Variants in C10orf105 observed in about 807,000 individuals in gnomAD.
C10orf105 encodes the protein chromosome 10 open reading frame 105.
Under a neutral mutation model 0.6 loss-of-function variants are expected in C10orf105, and 2 were observed. The observed-to-expected ratio is 3.18, with a 90% CI of 1.30 to 10.01. The LOEUF is 10.01. Ranked by LOEUF, C10orf105 falls within the 30% of genes most tolerant of loss-of-function variation. C10orf105 has a pLI of 0.04. For missense variants in C10orf105, 209 were observed against 191.4 expected (o/e 1.09, Z -0.54); for synonymous variants, 95 against 82.4 (o/e 1.15, Z -0.83).
Position 71,712,796 on chromosome 10 carries a change from G to A in C10orf105, c.*3140C>T, listed in dbSNP as rs562052236. ...CAGCGTCCCTGAGGACATCCCTGAA[G>A]GCCACAGCATCTTGCAGGCAGGTGG... On this transcript the variant is annotated 3_prime_UTR_variant, in exon 2 of 2. Transcript: ENST00000441508. The A allele has an allele frequency of 1.5e-4, 236 of 1,612,548 alleles. 1 individual carries two copies. In the East Asian group the frequency reaches 5.1e-3, roughly 35 times the overall value.
chr10:71,719,643 AGCCGTCCG>A lies in C10orf105; in HGVS notation c.-30_-23del, dbSNP rs1437945516. 6.6e-6 allele frequency: 1 copy of A among 152,670 alleles called. No homozygotes were observed. The highest frequency in any genetic ancestry group is 1.5e-5 in the Non-Finnish European group (1 of 68,452). 9.5% of individuals were successfully genotyped at this position (152,670 alleles called of 1,614,324 possible). On this transcript the variant is annotated 5_prime_UTR_variant, in exon 1 of 2. Transcript: ENST00000441508. ...AGCACTGACCTCAGAGCCAGACCCC[AGCCGTCCG>A]GAGCTCCGTGGAGAGGTCTTCTCAG...
chr10:71,713,479 G>T lies in C10orf105; in HGVS notation c.*2457C>A. ...GGCCTGCCCACTGGGGCAGGCTCCC[G>T]GGCTTGGGAGGGACAGAAGCGTGGG... On this transcript the variant is annotated 3_prime_UTR_variant, in exon 2 of 2. Coordinates refer to ENST00000441508, the MANE Select transcript of C10orf105 (RefSeq NM_001164375.3). The T allele has an allele frequency of 1.7e-6, 1 of 577,386 alleles. No individual in the cohort carries two copies. The highest frequency in any genetic ancestry group is 3.1e-6 in the Non-Finnish European group (1 of 324,136). The allele number at this position is 577,386 out of a possible 1,614,324, so 35.8% of individuals were successfully genotyped here. A position where few individuals can be genotyped will look rare whatever the true frequency, so the allele number is the denominator to read the frequency against.
At chr10:71,736,572 C>G (rs1839572177) in intron 1 of C10orf105, among the ~76,000 whole-genome samples, 1 of 152,110 alleles carries the variant, frequency 6.6e-6, no homozygotes, top group African/African-American at 2.4e-5. Context: ...ACACAGACAC[C>G]CATCTCATTC....
rs1866193839 is a variant in C10orf105 at position 71,715,858 on chromosome 10, C to T, written c.*78G>A. On this transcript the variant is annotated 3_prime_UTR_variant, in exon 2 of 2. Coordinates refer to ENST00000441508, the MANE Select transcript of C10orf105 (RefSeq NM_001164375.3). The stretch of plus-strand genomic sequence containing the variant: ...GCTTGGGCCACTGTCTTCCTGCAGC[C>T]TGCAGCACCGGTCTCTGAAGCAGGA... 1.2e-5 allele frequency: 16 copies of T among 1,373,412 alleles called. 1 individual carries two copies. In the South Asian group the frequency reaches 2.5e-4, roughly 21 times the overall value. The allele number at this position is 1,373,412 out of a possible 1,614,324, so 85.1% of individuals were successfully genotyped here.
At chr10:71,721,632 C>G (rs1866560888), upstream of C10orf105, among the ~76,000 whole-genome samples, 1 of 152,210 alleles carries the variant, frequency 6.6e-6, no homozygotes, top group Non-Finnish European at 1.5e-5. Flanking sequence ...CGTCCTCCTC[C>G]CCACCATCAA....
chr10:71,720,730 G>A (rs1396689544), upstream of C10orf105, among the ~76,000 whole-genome samples: 1 of 152,200 alleles, frequency 6.6e-6, no homozygotes, highest in African/African-American at 2.4e-5. Flanking sequence ...GATTTCCTAT[G>A]GACTGTTAAA....
Position 71,715,972 on chromosome 10 carries a change from G to A in C10orf105, c.366C>T (p.Arg122=). 4 of 1,488,392 alleles carry A rather than the reference G, an allele frequency of 2.7e-6. No homozygotes were observed. The South Asian group carries it at 5.5e-5, about 20-fold the overall frequency. The allele number at this position is 1,488,392 out of a possible 1,614,324, so 92.2% of individuals were successfully genotyped here. A position where few individuals can be genotyped will look rare whatever the true frequency, so the allele number is the denominator to read the frequency against. The change falls in exon 2 of 2, where the codon CGC becomes CGT. Residue 122 remains arginine (R), a synonymous_variant. Coordinates refer to ENST00000441508, the MANE Select transcript of C10orf105 (RefSeq NM_001164375.3). ...RQPLPGPEDN[R]SHCDYMESTK... ...TAGATTCCATGTAGTCACAGTGGCT[G>A]CGGTTGTCCTCGGGGCCCGGCAGGG...
chr10:71,721,644 A>G (rs766029821), upstream of C10orf105, among the ~76,000 whole-genome samples: 7 of 152,154 alleles, frequency 4.6e-5, no homozygotes, highest in Non-Finnish European at 8.8e-5. Context: ...CACCATCAAC[A>G]TGCTCATCAG....
chr10:71,727,495 TC>T (rs34588206), intron 1 of C10orf105, among the ~76,000 whole-genome samples: 1 of 152,184 alleles, frequency 6.6e-6, no homozygotes, highest in Non-Finnish European at 1.5e-5. Context: ...ACTCTGGCTT[TC>T]CGCTGGACTC....
chr10:71,730,192 G>A (rs1038794153), intron 1 of C10orf105, among the ~76,000 whole-genome samples: 2 of 152,288 alleles, frequency 1.3e-5, no homozygotes, highest in Middle Eastern at 3.4e-3. Flanking sequence ...GCCCCAAAGA[G>A]TCACTAATTA....
intron 1 of C10orf105, chr10:71,731,903 G>A: frequency 1.4e-6 from 2 of 1,453,346 alleles, no homozygotes; most frequent in South Asian, 1.3e-5. Flanking sequence ...CACCCAGGGG[G>A]TATGGGTGTG....
At chr10:71,733,968 G>A (rs556173040) in intron 1 of C10orf105, among the ~76,000 whole-genome samples, 7 of 152,306 alleles carry the variant, frequency 4.6e-5, no homozygotes, top group East Asian at 1.9e-4. Flanking sequence ...AAATCAGAGC[G>A]CCACAAGAAG....
chr10:71,712,958 G>C lies in C10orf105; in HGVS notation c.*2978C>G. The C allele has an allele frequency of 1.0e-6, 1 of 985,116 alleles. No individual in the cohort carries two copies. The highest frequency in any genetic ancestry group is 1.6e-6 in the Non-Finnish European group (1 of 639,534). 61.0% of individuals were successfully genotyped at this position (985,116 alleles called of 1,614,324 possible). A position where few individuals can be genotyped will look rare whatever the true frequency, so the allele number is the denominator to read the frequency against. ...TCCGCTGCTCTGGAAGGTGCTGTGG[G>C]GAAAGGGGGACCCAGGCCCTCTCCC... On this transcript the variant is annotated 3_prime_UTR_variant, in exon 2 of 2. Coordinates refer to ENST00000441508, the MANE Select transcript of C10orf105 (RefSeq NM_001164375.3).
chr10:71,730,375 C>A, intron 1 of C10orf105: 1 of 1,491,804 alleles, frequency 6.7e-7, no homozygotes, highest in Non-Finnish European at 9.0e-7. Context: ...CCCAGGAAAG[C>A]AGTGACCACA....
At chr10:71,733,600 A>G (rs1444592199) in intron 1 of C10orf105, among the ~76,000 whole-genome samples, 3 of 152,182 alleles carry the variant, frequency 2.0e-5, no homozygotes, top group African/African-American at 7.2e-5. Flanking sequence ...GACCAAATGC[A>G]TATTTCTTAT....
At chr10:71,725,101 G>A (rs1251240669) in intron 1 of C10orf105, among the ~76,000 whole-genome samples, 6 of 152,180 alleles carry the variant, frequency 3.9e-5, no homozygotes, top group Admixed American at 2.6e-4. Context: ...CCCACCTGCT[G>A]GGGACCATCA....
At chr10:71,721,447 T>C (rs1214896724), upstream of C10orf105, among the ~76,000 whole-genome samples, 2 of 152,240 alleles carry the variant, frequency 1.3e-5, no homozygotes, top group East Asian at 1.9e-4. Context: ...CTTCTGATCT[T>C]CCCCTCAACC....
chr10:71,730,659 G>C (rs936515568), intron 1 of C10orf105: 12 of 1,603,122 alleles, frequency 7.5e-6, no homozygotes, highest in African/African-American at 1.3e-5. Context: ...AACCTCCCCA[G>C]CTCACCCAGC....
chr10:71,713,235 C>T lies in C10orf105; in HGVS notation c.*2701G>A, dbSNP rs1016313036. 2 of 779,292 alleles carry T rather than the reference C, an allele frequency of 2.6e-6. No individual in the cohort carries two copies. The highest frequency in any genetic ancestry group is 3.4e-5 in the Admixed American group (2 of 58,988). The allele number at this position is 779,292 out of a possible 1,614,324, so 48.3% of individuals were successfully genotyped here. A position where few individuals can be genotyped will look rare whatever the true frequency, so the allele number is the denominator to read the frequency against. ...CGAGGCTCCCCTCTTGGGAAGTAAA[C>T]AGGCACAAGAAGAAAGGGCTCCTTT... On this transcript the variant is annotated 3_prime_UTR_variant, in exon 2 of 2. Transcript: ENST00000441508.
Sources: allele counts gnomAD v4.1 joint callset (sites outside exome capture counted in the v4.1 genomes callset), GRCh38; gene constraint gnomAD v4.1.1; transcripts MANE v1.5; gene names NCBI Gene and HGNC (gene_info 2026-07-23, HGNC 2026-07-21).